Variants in STK32B observed in about 807,000 individuals in gnomAD.
STK32B encodes the protein serine/threonine kinase 32B.
In STK32B, 43 loss-of-function variants were observed where a neutral mutation model predicts 52.6. That is an observed-to-expected ratio of 0.82 (90% CI 0.64 to 1.05). The LOEUF (loss-of-function observed/expected upper bound fraction) is 1.05. STK32B is among the 50% of genes least tolerant of loss of function. The probability of loss-of-function intolerance (pLI) is 0.00; values close to 1 mark genes in which losing one functional copy is unlikely to be tolerated. For synonymous variants in STK32B, 238 were observed against 204.3 expected, an observed-to-expected ratio of 1.17 and a Z score of -1.41; for missense variants, 621 against 534.6, an observed-to-expected ratio of 1.16 and a Z score of -1.59.
chr4:5,251,782 T>C (rs1725951830), intron 3 of STK32B, among the ~76,000 whole-genome samples: 1 of 152,222 alleles, frequency 6.6e-6, no homozygotes, highest in Non-Finnish European at 1.5e-5. Flanking sequence ...GTTACACAGA[T>C]CTTTCACCTC....
intron 3 of STK32B, among the ~76,000 whole-genome samples, chr4:5,327,232 G>T (rs1337994138): frequency 6.6e-6 from 1 of 151,292 alleles, no homozygotes; most frequent in South Asian, 2.1e-4. Context: ...ATCCATGAGG[G>T]TTAGAATCCA....
chr4:5,353,650 A>G (rs1002655085), intron 4 of STK32B, among the ~76,000 whole-genome samples: 1 of 152,204 alleles, frequency 6.6e-6, no homozygotes, highest in Non-Finnish European at 1.5e-5. Flanking sequence ...GCTCAACATC[A>G]CTAATCATCA....
At chr4:5,216,433 T>G (rs1328569760) in intron 3 of STK32B, among the ~76,000 whole-genome samples, 1 of 152,166 alleles carries the variant, frequency 6.6e-6, no homozygotes, top group Non-Finnish European at 1.5e-5. Flanking sequence ...AAGTGTTTGT[T>G]ATGACAAACA....
chr4:5,140,492 T>C (rs183995185), intron 2 of STK32B, among the ~76,000 whole-genome samples: 1 of 152,198 alleles, frequency 6.6e-6, no homozygotes, highest in Non-Finnish European at 1.5e-5. Context: ...GCCAGAGATA[T>C]TCTGTTATGT....
intron 1 of STK32B, among the ~76,000 whole-genome samples, chr4:5,073,608 A>T (rs1711908225): frequency 2.0e-5 from 3 of 152,002 alleles, no homozygotes; most frequent in Admixed American, 6.6e-5. Flanking sequence ...GTTTTATCAT[A>T]TATCATTTGT....
intron 4 of STK32B, among the ~76,000 whole-genome samples, chr4:5,350,336 A>G (rs377058800): frequency 1.8e-4 from 28 of 152,268 alleles, no homozygotes; most frequent in African/African-American, 5.5e-4. Flanking sequence ...AATAAAGGAG[A>G]AATAAAGTCT....
intron 4 of STK32B, among the ~76,000 whole-genome samples, chr4:5,383,139 G>T (rs1259441088): frequency 6.6e-6 from 1 of 152,214 alleles, no homozygotes; most frequent in Non-Finnish European, 1.5e-5. Context: ...CCTGGGCCCT[G>T]CAGTCAGCCG....
chr4:5,088,088 A>G (rs1194918186), intron 1 of STK32B, among the ~76,000 whole-genome samples: 3 of 152,124 alleles, frequency 2.0e-5, no homozygotes, highest in Non-Finnish European at 4.4e-5. Context: ...AAATTATACA[A>G]TGTATGCCTG....
At position 5,368,834 on chromosome 4, in the gene STK32B, G is replaced by A. The variant is rs192592048; in HGVS notation, c.435-29373G>A. On this transcript the variant is annotated intron_variant, in intron 4 of 11. Coordinates refer to ENST00000282908, the MANE Select transcript of STK32B (RefSeq NM_018401.3). Reference sequence around the variant, plus strand: ...CCAGCTAAATGCTTTCATATGCTCCGCAGGAAGCTCATTCATCCTTGCCAT... The same window carrying A: ...CCAGCTAAATGCTTTCATATGCTCCACAGGAAGCTCATTCATCCTTGCCAT... Among the ~76,000 whole-genome samples the A allele has an allele frequency of 1.3e-3, 193 of 152,292 alleles. 1 individual carries two copies. Among genetic ancestry groups the A allele is most frequent in the African/African-American group, 4.1e-3 (170 of 41,560 alleles).
At chr4:5,431,032 A>G (rs1713531898) in intron 6 of STK32B, among the ~76,000 whole-genome samples, 1 of 152,166 alleles carries the variant, frequency 6.6e-6, no homozygotes, top group Non-Finnish European at 1.5e-5. Context: ...CTCTGTGTCA[A>G]TGGGTCTTGG....
rs577015963 is a variant in STK32B, at chr4:5,215,723, A to G, written c.260+47273A>G. 6.6e-5 allele frequency among the ~76,000 whole-genome samples: 10 copies of G among 152,238 alleles called. No individual in the cohort carries two copies. The East Asian group carries it at 1.7e-3, about 27-fold the overall frequency. On this transcript the variant is annotated intron_variant, in intron 3 of 11. Coordinates refer to ENST00000282908, the MANE Select transcript of STK32B (RefSeq NM_018401.3). ...CAAAGCCACTCTGTGCTTTATTATA[A>G]TCCTTTAAACCCTCAGAGCAGGCAA...
chr4:5,406,957 C>T (rs1191257231), intron 5 of STK32B, among the ~76,000 whole-genome samples: 1 of 152,136 alleles, frequency 6.6e-6, no homozygotes, highest in Non-Finnish European at 1.5e-5. Context: ...TTTTTCTTTT[C>T]TACCACATGG....
At chr4:5,224,286 T>A (rs983426313) in intron 3 of STK32B, among the ~76,000 whole-genome samples, 5 of 152,206 alleles carry the variant, frequency 3.3e-5, no homozygotes, top group Admixed American at 3.3e-4. Flanking sequence ...AAGAGGTGAT[T>A]AAGGGCTTAC....
At chr4:5,438,998 A>C (rs1159374118) in intron 6 of STK32B, among the ~76,000 whole-genome samples, 1 of 151,552 alleles carries the variant, frequency 6.6e-6, no homozygotes. Context: ...AATCCAGTCT[A>C]TCATTGTTGG....
At chr4:5,204,053 A>T (rs971425694) in intron 3 of STK32B, 4 of 152,242 alleles carry the variant, frequency 2.6e-5, no homozygotes, top group African/African-American at 9.7e-5. Context: ...GCTTGACACC[A>T]CACTGTAGCT....
At chr4:5,171,070 T>G (rs578055404) in intron 3 of STK32B, among the ~76,000 whole-genome samples, 137 of 152,328 alleles carry the variant, frequency 9.0e-4, no homozygotes, top group African/African-American at 3.1e-3. Flanking sequence ...ATGATGAGCA[T>G]TTTTTCATGT....
chr4:5,279,053 CT>C (rs771964567), intron 3 of STK32B, among the ~76,000 whole-genome samples: 5 of 152,136 alleles, frequency 3.3e-5, no homozygotes, highest in African/African-American at 7.2e-5. Context: ...CATTCTGCCC[CT>C]GACCCCTCCC....
chr4:5,036,609 A>G, the STK32B span, among the ~76,000 whole-genome samples: 4 of 150,620 alleles, frequency 2.7e-5, no homozygotes, highest in South Asian at 2.1e-4. Context: ...CCAAAATTCC[A>G]CTTGAAACAC....
chr4:5,311,435 A>G (rs6840319), intron 3 of STK32B, among the ~76,000 whole-genome samples: 19,461 of 152,124 alleles, frequency 0.13, 2,693 homozygotes, highest in African/African-American at 0.35. Flanking sequence ...GAAATAATAA[A>G]CAGTAGAAAT....
Sources: allele counts gnomAD v4.1 joint callset (sites outside exome capture counted in the v4.1 genomes callset), GRCh38; gene constraint gnomAD v4.1.1; transcripts MANE v1.5; gene names NCBI Gene and HGNC (gene_info 2026-07-23, HGNC 2026-07-21).